Variants in UHRF2 observed in about 807,000 individuals in gnomAD.
The protein encoded by UHRF2 is E3 ubiquitin-protein ligase UHRF2.
A neutral mutation model predicts 96.8 loss-of-function variants in UHRF2; 23 were observed. That is an observed-to-expected ratio of 0.24 (90% CI 0.17 to 0.34). UHRF2 has a LOEUF of 0.34. UHRF2 is among the 10% of genes least tolerant of loss of function. UHRF2 has a pLI of 1.00. For missense variants in UHRF2, 685 were observed against 981.5 expected, an observed-to-expected ratio of 0.70 and a Z score of 4.04; for synonymous variants, 385 against 332.6, an observed-to-expected ratio of 1.16 and a Z score of -1.72.
chr9:6,504,245 T>C (rs1390749054), intron 14 of UHRF2: 5 of 163,168 alleles, frequency 3.1e-5, no homozygotes, highest in African/African-American at 1.2e-4. Flanking sequence ...CAGGATGGTG[T>C]CGATCTCCTG....
intron 10 of UHRF2, chr9:6,495,869 C>G (rs1824935372): frequency 6.6e-6 from 1 of 152,118 alleles, no homozygotes; most frequent in South Asian, 2.1e-4. Context: ...ATGAAACTTA[C>G]CCTAGCTCTT....
At chr9:6,446,512 C>G (rs1821515052) in intron 3 of UHRF2, among the ~76,000 whole-genome samples, 1 of 151,892 alleles carries the variant, frequency 6.6e-6, no homozygotes, top group Non-Finnish European at 1.5e-5. Context: ...AACTCCTGGG[C>G]TGAAGTGATT....
At chr9:6,492,309 G>C (rs1053777068) in intron 9 of UHRF2, 1 of 1,253,582 alleles carries the variant, frequency 8.0e-7, no homozygotes, top group Admixed American at 2.3e-5. Context: ...AAAGTTGACA[G>C]AGTTATGAAT....
chr9:6,437,375 GGTGCCTGCCA>G (rs1004442701), intron 3 of UHRF2, among the ~76,000 whole-genome samples: 30 of 152,082 alleles, frequency 2.0e-4, no homozygotes, highest in Non-Finnish European at 3.8e-4. Flanking sequence ...TGGGATGACA[GGTGCCTGCCA>G]CCACGCCTGG....
chr9:6,467,974 G>A (rs1271952537), intron 4 of UHRF2, among the ~76,000 whole-genome samples: 1 of 152,088 alleles, frequency 6.6e-6, no homozygotes, highest in Non-Finnish European at 1.5e-5. Flanking sequence ...GTGTTCCTTA[G>A]ACACCTCATC....
intron 4 of UHRF2, among the ~76,000 whole-genome samples, chr9:6,468,082 G>A (rs530082001): frequency 6.6e-6 from 1 of 152,072 alleles, no homozygotes; most frequent in Non-Finnish European, 1.5e-5. Context: ...TAGACTGCCT[G>A]ATTTCAGTCT....
chr9:6,434,076 A>C lies in UHRF2; in HGVS notation c.547A>C (p.Lys183Gln), dbSNP rs200820842. 2 of 1,614,166 alleles carry C rather than the reference A, an allele frequency of 1.2e-6. No individual in the cohort carries two copies. Among genetic ancestry groups the C allele is most frequent in the East Asian group, 4.5e-5 (2 of 44,874 alleles). Residue 183 changes from lysine to glutamine, a missense_variant, in exon 3 of 16, where the codon AAA becomes CAA. Lys to Gln is a moderately conservative substitution (Grantham distance 53). This residue lies in a region of UHRF2 where 391 missense variants were observed against 437.0 expected (regional missense o/e 0.89). Transcript: ENST00000276893. Reference protein sequence around the residue: ...RTNGNIKHKSKENTNKLDSVP... With the variant: ...RTNGNIKHKSQENTNKLDSVP... The stretch of plus-strand genomic sequence containing the variant: ...TAATGGAAATATAAAGCATAAATCC[A>C]AAGAGAACACAAATAAATTGGACAG...
At chr9:6,445,215 T>C (rs1385890416) in intron 3 of UHRF2, among the ~76,000 whole-genome samples, 1 of 152,178 alleles carries the variant, frequency 6.6e-6, no homozygotes, top group Non-Finnish European at 1.5e-5. Flanking sequence ...CTTAAATTTT[T>C]CAGCTTTTAA....
chr9:6,441,975 TC>T lies in UHRF2; in HGVS notation c.644+7804del, dbSNP rs1452641281. ...GAAATACTATGTAATAGTTGACTGT[TC>T]CGAGATCTAAGGTTTTTCTTGCTCT... On this transcript the variant is annotated intron_variant, in intron 3 of 15. Coordinates refer to ENST00000276893, the MANE Select transcript of UHRF2 (RefSeq NM_152896.3). Among the ~76,000 whole-genome samples the T allele has an allele frequency of 1.2e-4, 18 of 152,290 alleles. No homozygotes were observed. In the East Asian group the frequency reaches 3.5e-3, roughly 29 times the overall value.
chr9:6,500,805 T>C, intron 14 of UHRF2, 96 bp downstream of exon 14: 1 of 1,204,634 alleles, frequency 8.3e-7, no homozygotes, highest in Non-Finnish European at 1.1e-6. Context: ...AGTCAAAACT[T>C]CATCCTTCTA....
intron 3 of UHRF2, among the ~76,000 whole-genome samples, chr9:6,447,747 A>C (rs533727003): frequency 6.6e-6 from 1 of 152,114 alleles, no homozygotes; most frequent in South Asian, 2.1e-4. Flanking sequence ...AGAGAAAGCA[A>C]CAAAATTTTG....
intron 14 of UHRF2, among the ~76,000 whole-genome samples, chr9:6,501,376 C>G (rs1408800123): frequency 6.6e-6 from 1 of 152,054 alleles, no homozygotes; most frequent in Non-Finnish European, 1.5e-5. Flanking sequence ...AATATTGACC[C>G]CTTGTCATTT....
At position 6,460,693 on chromosome 9, in the gene UHRF2, A is replaced by C; in HGVS notation, c.765A>C (p.Glu255Asp). 1.2e-6 allele frequency: 2 copies of C among 1,613,934 alleles called. No individual in the cohort carries two copies. Among genetic ancestry groups the C allele is most frequent in the Non-Finnish European group, 1.7e-6 (2 of 1,179,970 alleles). The change falls in exon 4 of 16, where the codon GAA (glutamate) becomes GAC (aspartate). Residue 255 changes from glutamate (E) to aspartate (D), a missense_variant. Glu to Asp is a conservative substitution (Grantham distance 45). Coordinates refer to ENST00000276893, the MANE Select transcript of UHRF2 (RefSeq NM_152896.3). The part of the protein sequence containing the change: ...GDVVMVNYNV[E>D]SPGQRGFWFD... ...TGGTAATGGTTAATTATAATGTAGA[A>C]AGTCCTGGACAAAGAGGATTCTGGT... is the stretch of plus-strand genomic sequence containing the variant.
chr9:6,413,880 C>T (rs989873430), intron 1 of UHRF2: 26 of 419,778 alleles, frequency 6.2e-5, no homozygotes, highest in Non-Finnish European at 1.0e-4. Context: ...GTGAGGGCGT[C>T]CGGAGCGCAA....
chr9:6,447,979 C>G (rs942075066), intron 3 of UHRF2, among the ~76,000 whole-genome samples: 4 of 152,180 alleles, frequency 2.6e-5, no homozygotes, highest in African/African-American at 9.6e-5. Flanking sequence ...ACTTTTAACC[C>G]TACCTAGTGT....
intron 6 of UHRF2, among the ~76,000 whole-genome samples, chr9:6,479,605 T>TC (rs1490946505): frequency 6.6e-6 from 1 of 152,152 alleles, no homozygotes; most frequent in Admixed American, 6.5e-5. Context: ...ATATCTAATT[T>TC]CCCCTGGGCT....
In UHRF2 at chr9:6,506,760, A is replaced by G. The variant is rs1306614189; in HGVS notation, c.*581A>G. 2.0e-5 allele frequency: 3 copies of G among 152,738 alleles called. No homozygotes were observed. Among genetic ancestry groups the G allele is most frequent in the East Asian group, 1.9e-4 (1 of 5,196 alleles). The allele number at this position is 152,738 out of a possible 1,614,324, so 9.5% of individuals were successfully genotyped here. A position where few individuals can be genotyped will look rare whatever the true frequency, so the allele number is the denominator to read the frequency against. The stretch of plus-strand genomic sequence containing the variant: ...TTCTGGTGTTTTATGCAAGTTGACT[A>G]CTAATGACTAATGAGAACAATAATG... On this transcript the variant is annotated 3_prime_UTR_variant, in exon 16 of 16. Coordinates refer to ENST00000276893, the MANE Select transcript of UHRF2 (RefSeq NM_152896.3).
chr9:6,432,727 G>A (rs1026926588), intron 2 of UHRF2, among the ~76,000 whole-genome samples: 1 of 152,122 alleles, frequency 6.6e-6, no homozygotes, highest in African/African-American at 2.4e-5. Context: ...TCAAGGAAAA[G>A]ATAACTTGAT....
intron 4 of UHRF2, among the ~76,000 whole-genome samples, chr9:6,461,161 C>T (rs1277229727): frequency 6.6e-6 from 1 of 152,158 alleles, no homozygotes; most frequent in Admixed American, 6.5e-5. Flanking sequence ...GACTACTTAA[C>T]CAGCTGTCTG....
Sources: allele counts gnomAD v4.1 joint callset (sites outside exome capture counted in the v4.1 genomes callset), GRCh38; gene constraint gnomAD v4.1.1; regional missense constraint gnomAD v4.1.1; transcripts MANE v1.5; gene names NCBI Gene and HGNC (gene_info 2026-07-23, HGNC 2026-07-21).